The following RGL1 variants were observed in gnomAD, a reference collection of about 807,000 sequenced individuals.
The protein encoded by RGL1 is ral guanine nucleotide dissociation stimulator-like 1.
Under a neutral mutation model 95.2 loss-of-function variants are expected in RGL1, and 24 were observed. The observed-to-expected ratio is 0.25, with a 90% CI of 0.18 to 0.35. The LOEUF is 0.35. RGL1 is among the 10% of genes least tolerant of loss of function. RGL1 has a pLI of 1.00. For missense variants in RGL1, 715 were observed against 936.3 expected (o/e 0.76, Z 3.08); for synonymous variants, 329 against 344.9 (o/e 0.95, Z 0.51).
chr1:183,904,685 G>A (rs1171202770), intron 12 of RGL1, among the ~76,000 whole-genome samples, 165 bp from the exon 13 acceptor site: 2 of 152,118 alleles, frequency 1.3e-5, no homozygotes, highest in Non-Finnish European at 2.9e-5. Flanking sequence ...TTAAGAGTTA[G>A]TTAGCTCCTT....
At chr1:183,657,502 C>T (rs1418104534) in intron 1 of RGL1, among the ~76,000 whole-genome samples, 2 of 152,044 alleles carry the variant, frequency 1.3e-5, no homozygotes, top group Non-Finnish European at 1.5e-5. Context: ...CATGTGTTCT[C>T]ATTGTTCAAT....
In RGL1 at chr1:183,880,697, G is replaced by A. The variant is rs770322842; in HGVS notation, c.507G>A (p.Gln169=). Residue 169 remains glutamine (Q), a synonymous_variant, in exon 5 of 18, where the codon CAG becomes CAA. Coordinates refer to ENST00000360851, the MANE Select transcript of RGL1 (RefSeq NM_001297671.3). ...FREPPHFPCL[Q]KLLDYLTRMM... is the part of the protein sequence containing the mutation. ...AGCCCCCTCACTTCCCTTGCTTACA[G>A]AAACTGCTGGATTATCTCACACGGA... 9.3e-6 allele frequency: 15 copies of A among 1,613,830 alleles called. No individual in the cohort carries two copies. The Admixed American group carries it at 1.5e-4, about 16-fold the overall frequency.
intron 1 of RGL1, among the ~76,000 whole-genome samples, chr1:183,805,995 T>TTTTTTTTTTTTTTTTTTC (rs1661300062): frequency 1.1e-5 from 1 of 89,508 alleles, no homozygotes; most frequent in Non-Finnish European, 2.2e-5. Flanking sequence ...TTTTTTTTTT[T>TTTTTTTTTTTTTTTTTTC]TTTTTTTTTT....
rs547539492 is a variant in RGL1, at chr1:183,897,704, G to T, written c.1141-104G>T. On this transcript the variant is annotated intron_variant, in intron 9 of 17. Coordinates refer to ENST00000360851, the MANE Select transcript of RGL1 (RefSeq NM_001297671.3). ...CTCTTCATTTTGCATGGTGTTCCGA[G>T]CGAGAGTTATGCAGGGTTGTGTGCG... The T allele has an allele frequency of 4.7e-5, 36 of 765,290 alleles. No homozygotes were observed. The African/African-American group carries it at 6.1e-4, about 13-fold the overall frequency. 47.4% of individuals were successfully genotyped at this position (765,290 alleles called of 1,614,324 possible).
At chr1:183,685,268 A>C (rs1388469696) in intron 1 of RGL1, among the ~76,000 whole-genome samples, 1 of 152,232 alleles carries the variant, frequency 6.6e-6, no homozygotes, top group Non-Finnish European at 1.5e-5. Flanking sequence ...AAACGCCAGC[A>C]GCCTGGTTAT....
chr1:183,858,718 T>C (rs1177076725), intron 3 of RGL1, among the ~76,000 whole-genome samples: 1 of 152,194 alleles, frequency 6.6e-6, no homozygotes, highest in Non-Finnish European at 1.5e-5. Context: ...ACTTAGCCCT[T>C]GATAATGCTG....
At chr1:183,710,169 C>T (rs1655173337) in intron 1 of RGL1, 3 of 222,404 alleles carry the variant, frequency 1.3e-5, no homozygotes, top group Non-Finnish European at 2.8e-5. Context: ...CGCTTCATGG[C>T]TCTCAGCAGG....
intron 2 of RGL1, among the ~76,000 whole-genome samples, chr1:183,821,114 CAA>C (rs1374060959): frequency 6.6e-6 from 1 of 151,610 alleles, no homozygotes; most frequent in African/African-American, 2.4e-5. Context: ...GCCTGGGCGA[CAA>C]GAGCGAAACT....
intron 16 of RGL1, 22 bp from the exon 17 acceptor site, chr1:183,922,200 A>G (rs1400895846): frequency 1.1e-5 from 17 of 1,601,494 alleles, no homozygotes; most frequent in Admixed American, 5.0e-5. Flanking sequence ...GTACTTTACA[A>G]ACCTGTTCAT....
intron 1 of RGL1, among the ~76,000 whole-genome samples, chr1:183,662,731 CA>C (rs1558140891): frequency 6.6e-6 from 1 of 151,996 alleles, no homozygotes; most frequent in African/African-American, 2.4e-5. Context: ...CATATGGAAC[CA>C]AAAAAGAGCC....
At chr1:183,732,487 G>T (rs1170836760) in intron 1 of RGL1, among the ~76,000 whole-genome samples, 1 of 152,066 alleles carries the variant, frequency 6.6e-6, no homozygotes, top group Admixed American at 6.6e-5. Flanking sequence ...CCCCTCATTT[G>T]TTAGTATCAA....
intron 1 of RGL1, among the ~76,000 whole-genome samples, chr1:183,677,106 A>G (rs775064822): frequency 8.4e-4 from 128 of 151,680 alleles, no homozygotes; most frequent in Non-Finnish European, 1.5e-3. Flanking sequence ...GTTTTTACCT[A>G]TTGTCCTGGC....
intron 4 of RGL1, among the ~76,000 whole-genome samples, chr1:183,878,101 G>A (rs1216947162): frequency 1.3e-5 from 2 of 152,110 alleles, no homozygotes; most frequent in African/African-American, 4.8e-5. Flanking sequence ...AGGTAATGAT[G>A]AAGTATCTGT....
At chr1:183,884,983 G>A in intron 7 of RGL1, 45 bp downstream of exon 7, 1 of 1,514,426 alleles carries the variant, frequency 6.6e-7, no homozygotes, top group East Asian at 2.3e-5. Context: ...GTAGATGCAA[G>A]AGACTGCTCC....
At chr1:183,913,990 G>A (rs1280324731) in intron 15 of RGL1, among the ~76,000 whole-genome samples, 1 of 152,218 alleles carries the variant, frequency 6.6e-6, no homozygotes, top group East Asian at 1.9e-4. Flanking sequence ...AACCCGGGAT[G>A]TAGTCATTCT....
At chr1:183,824,286 G>A (rs4652826) in intron 2 of RGL1, among the ~76,000 whole-genome samples, 92,236 of 151,800 alleles carry the variant, frequency 0.61, 29,285 homozygotes, top group Middle Eastern at 0.78. Flanking sequence ...TGAAGATTCC[G>A]CTCATCACAT....
At chr1:183,781,520 G>A (rs1412290200) in intron 2 of RGL1, among the ~76,000 whole-genome samples, 1 of 152,096 alleles carries the variant, frequency 6.6e-6, no homozygotes. Context: ...ACTCCACTCT[G>A]TTAAGCTATT....
At chr1:183,848,961 C>A (rs1162326508) in intron 3 of RGL1, among the ~76,000 whole-genome samples, 1 of 152,000 alleles carries the variant, frequency 6.6e-6, no homozygotes, top group Non-Finnish European at 1.5e-5. Flanking sequence ...TATATACACA[C>A]ATTTATGTAC....
rs138428024 is a variant in RGL1 at position 183,923,386 on chromosome 1, C to G, written c.2119+1050C>G. Among the ~76,000 whole-genome samples, 1,123 of 152,316 alleles carry G rather than the reference C, an allele frequency of 7.4e-3. 13 individuals carry two copies. The highest frequency in any genetic ancestry group is 0.02 in the African/African-American group (847 of 41,566). On this transcript the variant is annotated intron_variant, in intron 17 of 17. Coordinates refer to ENST00000360851, the MANE Select transcript of RGL1 (RefSeq NM_001297671.3). ...GTTTCCTCTTGGAAGATTTCTCATT[C>G]ATTCAGCTGAGCCTTAGGCTGTGGG...
Sources: allele counts gnomAD v4.1 joint callset (sites outside exome capture counted in the v4.1 genomes callset), GRCh38; gene constraint gnomAD v4.1.1; transcripts MANE v1.5; gene names NCBI Gene and HGNC (gene_info 2026-07-23, HGNC 2026-07-21).